KCTD16: variants seen among roughly 807,000 people sequenced by gnomAD.
KCTD16 encodes BTB/POZ domain-containing protein KCTD16.
KCTD16 carries 13 observed loss-of-function variants against 33.2 expected under a neutral mutation model. The observed-to-expected ratio is 0.39, with a 90% CI of 0.25 to 0.62. KCTD16 has a LOEUF of 0.62. Among genes scored for constraint, KCTD16 ranks in the 20% least tolerant of loss-of-function variants. KCTD16 has a pLI of 0.50. For synonymous variants in KCTD16, 197 were observed against 195.3 expected, an observed-to-expected ratio of 1.01 and a Z score of -0.07; for missense variants, 441 against 525.1, an observed-to-expected ratio of 0.84 and a Z score of 1.57.
At chr5:144,250,204 A>G (rs1754660042) in intron 3 of KCTD16, among the ~76,000 whole-genome samples, 1 of 152,212 alleles carries the variant, frequency 6.6e-6, no homozygotes, top group Admixed American at 6.5e-5. Context: ...CACAAACCAC[A>G]GCACTTTCTA....
intron 3 of KCTD16, among the ~76,000 whole-genome samples, chr5:144,314,187 C>T (rs1370747198): frequency 6.6e-5 from 10 of 152,168 alleles, no homozygotes; most frequent in South Asian, 2.1e-4. Context: ...AACCAATGCA[C>T]GAGATCAATA....
Position 144,319,872 on chromosome 5 carries a change from C to T in KCTD16, c.832+112326C>T, listed in dbSNP as rs536863776. Among the ~76,000 whole-genome samples, 4 of 152,184 alleles carry T rather than the reference C, an allele frequency of 2.6e-5. No homozygotes were observed. The South Asian group carries it at 8.3e-4, about 32-fold the overall frequency. On this transcript the variant is annotated intron_variant, in intron 3 of 3. Coordinates refer to ENST00000512467, the MANE Select transcript of KCTD16 (RefSeq NM_020768.4). ...GAGTGAAATGAGTTTTTCAAAATTG[C>T]TACGCTATTTTATGTTGATAATTGT...
chr5:144,474,055 C>T lies in KCTD16; in HGVS notation c.1228C>T (p.Arg410Trp), dbSNP rs773702035. 3.1e-6 allele frequency: 5 copies of T among 1,613,386 alleles called. No individual in the cohort carries two copies. Among genetic ancestry groups the T allele is most frequent in the Admixed American group, 1.7e-5 (1 of 59,934 alleles). Residue 410 changes from arginine (R) to tryptophan (W), a missense_variant, in exon 4 of 4, where the codon CGG (arginine) becomes TGG (tryptophan). By Grantham distance (101) the Arg-to-Trp change is moderately radical (BLOSUM62 -3). Around this residue, in one of 3 missense-constraint regions of KCTD16, gnomAD observed 355 missense variants for 413.0 expected, o/e 0.86. Transcript: ENST00000512467. ...QDFLKIKIPDRFPERKHPWQS... is the reference protein window; with the variant it reads ...QDFLKIKIPDWFPERKHPWQS... ...TTTCCTAAAAATCAAAATTCCAGATCGGTTTCCTGAGAGAAAACATCCTTG... is the reference window on the plus strand; with the variant it reads ...TTTCCTAAAAATCAAAATTCCAGATTGGTTTCCTGAGAGAAAACATCCTTG...
intron 3 of KCTD16, among the ~76,000 whole-genome samples, chr5:144,349,987 C>G (rs551148045): frequency 2.6e-5 from 4 of 152,280 alleles, no homozygotes; most frequent in Admixed American, 1.3e-4. Flanking sequence ...TCCAAACAGG[C>G]AGCAGAATGC....
At chr5:144,287,647 T>C (rs1358143936) in intron 3 of KCTD16, among the ~76,000 whole-genome samples, 1 of 152,106 alleles carries the variant, frequency 6.6e-6, no homozygotes, top group Non-Finnish European at 1.5e-5. Context: ...TTATTATTAT[T>C]CTTTTTGAGA....
intron 2 of KCTD16, among the ~76,000 whole-genome samples, chr5:144,197,657 T>G (rs749615798): frequency 1.3e-5 from 2 of 152,202 alleles, no homozygotes; most frequent in Non-Finnish European, 2.9e-5. Context: ...AGTGAGCATA[T>G]TTAATAAAAG....
chr5:144,268,335 C>A (rs1755202923), intron 3 of KCTD16, among the ~76,000 whole-genome samples: 1 of 152,204 alleles, frequency 6.6e-6, no homozygotes, highest in South Asian at 2.1e-4. Context: ...GACAGCCCTT[C>A]CCCCTCCATC....
At position 144,398,733 on chromosome 5, in the gene KCTD16, T is replaced by C. The variant is rs962512196; in HGVS notation, c.833-74927T>C. On this transcript the variant is annotated intron_variant, in intron 3 of 3. Coordinates refer to ENST00000512467, the MANE Select transcript of KCTD16 (RefSeq NM_020768.4). ...ACTCTCTCTCTCTCTCTCTCTCTCT[T>C]ATATAAATGTACCCCAAAGGAAGAC... Among the ~76,000 whole-genome samples, 200 of 145,324 alleles carry C rather than the reference T, an allele frequency of 1.4e-3. 1 individual carries two copies. The highest frequency in any genetic ancestry group is 5.2e-3 in the African/African-American group (186 of 35,806).
chr5:144,343,581 C>A (rs1229083316), intron 3 of KCTD16, among the ~76,000 whole-genome samples: 1 of 151,696 alleles, frequency 6.6e-6, no homozygotes, highest in Non-Finnish European at 1.5e-5. Flanking sequence ...CTATTTCCTT[C>A]AGTTCTGCTC....
rs143242435 is a variant in KCTD16, at chr5:144,367,063, G to A, written c.833-106597G>A. On this transcript the variant is annotated intron_variant, in intron 3 of 3. Transcript: ENST00000512467. ...AGGAGGGCTATTAGCCCAGAATCAG[G>A]AGCCCAATCACAGTTCCTTACCCAC... 1.8e-4 allele frequency among the ~76,000 whole-genome samples: 28 copies of A among 152,310 alleles called. No homozygotes were observed. In the East Asian group the frequency reaches 4.4e-3, roughly 24 times the overall value.
chr5:144,296,682 G>A (rs1258321337), intron 3 of KCTD16, among the ~76,000 whole-genome samples: 1 of 151,958 alleles, frequency 6.6e-6, no homozygotes, highest in African/African-American at 2.4e-5. Context: ...TGGGTGCTTA[G>A]CAGAAAAACA....
chr5:144,188,171 T>C (rs1003170195), intron 2 of KCTD16, among the ~76,000 whole-genome samples: 7 of 152,226 alleles, frequency 4.6e-5, no homozygotes, highest in African/African-American at 1.7e-4. Flanking sequence ...GGTAATTAAT[T>C]GTCCATATCT....
intron 3 of KCTD16, among the ~76,000 whole-genome samples, chr5:144,415,384 G>A (rs561346382): frequency 3.3e-5 from 5 of 152,188 alleles, no homozygotes; most frequent in Non-Finnish European, 5.9e-5. Context: ...AATGGAACCC[G>A]AGGATGAGGT....
At chr5:144,335,969 C>T (rs1430881565) in intron 3 of KCTD16, among the ~76,000 whole-genome samples, 2 of 152,118 alleles carry the variant, frequency 1.3e-5, no homozygotes, top group African/African-American at 2.4e-5. Context: ...TGCTTCAGTA[C>T]CCCTGTTGGG....
At chr5:144,381,457 C>T (rs1184749267) in intron 3 of KCTD16, among the ~76,000 whole-genome samples, 2 of 152,136 alleles carry the variant, frequency 1.3e-5, no homozygotes, top group Non-Finnish European at 2.9e-5. Flanking sequence ...AGGTTTTTGG[C>T]TCAAGGCTCT....
At chr5:144,198,712 T>C (rs1752982448) in intron 2 of KCTD16, among the ~76,000 whole-genome samples, 1 of 152,230 alleles carries the variant, frequency 6.6e-6, no homozygotes, top group Admixed American at 6.5e-5. Context: ...TTCATCATCC[T>C]TTGAAAGGTG....
At chr5:144,229,082 A>G (rs946847227) in intron 3 of KCTD16, among the ~76,000 whole-genome samples, 8 of 152,176 alleles carry the variant, frequency 5.3e-5, no homozygotes, top group Admixed American at 1.3e-4. Flanking sequence ...ATCATTCCAC[A>G]TGGTTGTTTA....
chr5:144,452,491 G>C (rs576941070), intron 3 of KCTD16, among the ~76,000 whole-genome samples: 1 of 152,012 alleles, frequency 6.6e-6, no homozygotes, highest in East Asian at 1.9e-4. Flanking sequence ...GGGGGAGCAA[G>C]AGACAGGTGA....
chr5:144,471,279 T>C (rs1437005423), intron 3 of KCTD16, among the ~76,000 whole-genome samples: 51 of 152,270 alleles, frequency 3.3e-4, no homozygotes, highest in Admixed American at 3.3e-3. Context: ...AAGCTTACCA[T>C]GGGGAAGGTG....
Sources: gnomAD v4.1 joint callset for allele counts (sites outside exome capture counted in the v4.1 genomes callset) on GRCh38, gnomAD v4.1.1 for gene constraint, gnomAD v4.1.1 regional missense constraint, MANE v1.5 for transcripts, NCBI Gene and HGNC (gene_info 2026-07-23, HGNC 2026-07-21) for gene names.